Variants in KIAA1549L observed in about 807,000 individuals in gnomAD.
KIAA1549L encodes the protein UPF0606 protein KIAA1549L.
KIAA1549L carries 88 observed loss-of-function variants against 160.7 expected under a neutral mutation model. That is an observed-to-expected ratio of 0.55 (90% CI 0.46 to 0.65). The LOEUF is 0.65. Ranked by LOEUF, KIAA1549L falls within the 30% of genes least tolerant of loss-of-function variation. KIAA1549L has a pLI of 0.00. For synonymous variants in KIAA1549L, 950 were observed against 976.7 expected (o/e 0.97, Z 0.51); for missense variants, 2,258 against 2,437.5 (o/e 0.93, Z 1.55).
intron 11 of KIAA1549L, among the ~76,000 whole-genome samples, chr11:33,590,311 G>A (rs192941895): frequency 6.6e-5 from 10 of 152,302 alleles, no homozygotes; most frequent in Admixed American, 3.3e-4. Flanking sequence ...AATGAATGAC[G>A]GAGTCGGGAT....
chr11:33,513,132 CT>C (rs1009077072), intron 1 of KIAA1549L, among the ~76,000 whole-genome samples: 2 of 152,230 alleles, frequency 1.3e-5, no homozygotes, highest in Admixed American at 1.3e-4. Context: ...AGCTGGGAAG[CT>C]TTCCTTTTGG....
chr11:33,405,659 T>C (rs1474214121), intron 1 of KIAA1549L, among the ~76,000 whole-genome samples: 2 of 151,828 alleles, frequency 1.3e-5, no homozygotes, highest in South Asian at 4.2e-4. Flanking sequence ...CTGGCCAACA[T>C]GGTGAAACCC....
intron 18 of KIAA1549L, among the ~76,000 whole-genome samples, chr11:33,656,902 A>G (rs1852083918): frequency 6.6e-6 from 1 of 152,170 alleles, no homozygotes; most frequent in Non-Finnish European, 1.5e-5. Context: ...GCCTGGGTGG[A>G]AAGCAGCAGA....
chr11:33,518,555 G>T (rs2133120365), intron 1 of KIAA1549L, among the ~76,000 whole-genome samples: 1 of 152,310 alleles, frequency 6.6e-6, no homozygotes, highest in South Asian at 2.1e-4. Flanking sequence ...TTCAAGGAAA[G>T]TTGGCTCTGG....
At chr11:33,631,702 G>A (rs1564932568) in intron 16 of KIAA1549L, among the ~76,000 whole-genome samples, 1 of 152,254 alleles carries the variant, frequency 6.6e-6, no homozygotes, top group East Asian at 1.9e-4. Context: ...TGGCCCCTAT[G>A]CCTATGGGCC....
intron 20 of KIAA1549L, among the ~76,000 whole-genome samples, chr11:33,667,567 TG>T (rs1222413234): frequency 1.3e-5 from 2 of 152,090 alleles, no homozygotes; most frequent in African/African-American, 4.8e-5. Context: ...TAATTTTTTT[TG>T]TATTTTTAGT....
At chr11:33,598,613 G>A (rs1850271870) in intron 12 of KIAA1549L, among the ~76,000 whole-genome samples, 1 of 152,208 alleles carries the variant, frequency 6.6e-6, no homozygotes, top group Admixed American at 6.5e-5. Context: ...GCTGAGCACG[G>A]CAAAACGGAC....
chr11:33,611,959 G>T (rs1214643254), intron 15 of KIAA1549L, among the ~76,000 whole-genome samples: 1 of 152,240 alleles, frequency 6.6e-6, no homozygotes, highest in African/African-American at 2.4e-5. Flanking sequence ...GTGCAGGCCA[G>T]ATTCTTGGGG....
chr11:33,559,918 A>G lies in KIAA1549L; in HGVS notation c.4018+7A>G. ...CCGCTAACCATTGCTGAACGTGAGTATGGCCATGCCTATGGGGACCCCAGT... is the reference window on the plus strand; with the variant it reads ...CCGCTAACCATTGCTGAACGTGAGTGTGGCCATGCCTATGGGGACCCCAGT... On this transcript the variant is annotated splice_region_variant and intron_variant, in intron 7 of 20. Transcript: ENST00000658780. 7 of 1,613,516 alleles carry G rather than the reference A, an allele frequency of 4.3e-6. No homozygotes were observed. The highest frequency in any genetic ancestry group is 5.1e-6 in the Non-Finnish European group (6 of 1,179,476).
chr11:33,568,498 A>G (rs1257256902), intron 9 of KIAA1549L, among the ~76,000 whole-genome samples: 1 of 152,240 alleles, frequency 6.6e-6, no homozygotes, highest in African/African-American at 2.4e-5. Flanking sequence ...GTACTCATGC[A>G]GATATTTTTG....
intron 1 of KIAA1549L, among the ~76,000 whole-genome samples, chr11:33,400,899 G>C (rs1391917180): frequency 6.6e-6 from 1 of 152,176 alleles, no homozygotes; most frequent in Non-Finnish European, 1.5e-5. Context: ...CCGAGGCTTA[G>C]AGAGGTGATA....
At chr11:33,547,137 A>G (rs973664590) in intron 3 of KIAA1549L, among the ~76,000 whole-genome samples, 5 of 152,232 alleles carry the variant, frequency 3.3e-5, no homozygotes, top group Non-Finnish European at 7.3e-5. Context: ...GGGTGAGGGC[A>G]ATCTCTTCCT....
intron 19 of KIAA1549L, among the ~76,000 whole-genome samples, chr11:33,659,173 G>A (rs1852178610): frequency 6.6e-6 from 1 of 152,076 alleles, no homozygotes; most frequent in African/African-American, 2.4e-5. Flanking sequence ...TTTTGGTTTT[G>A]TCTTTAAAGC....
chr11:33,397,735 C>T (rs1202096601), intron 1 of KIAA1549L, among the ~76,000 whole-genome samples: 1 of 150,702 alleles, frequency 6.6e-6, no homozygotes, highest in Non-Finnish European at 1.5e-5. Flanking sequence ...CACACACACA[C>T]ACACACACAC....
chr11:33,508,231 C>T (rs1590297375), intron 1 of KIAA1549L, among the ~76,000 whole-genome samples: 1 of 152,176 alleles, frequency 6.6e-6, no homozygotes, highest in South Asian at 2.1e-4. Flanking sequence ...CCAGCCTCAT[C>T]GTGCTAGAAG....
chr11:33,523,091 C>T (rs1375400473), intron 1 of KIAA1549L, among the ~76,000 whole-genome samples: 1 of 152,124 alleles, frequency 6.6e-6, no homozygotes, highest in African/African-American at 2.4e-5. Context: ...AGTGTGTTTT[C>T]TGATTCTACA....
chr11:33,520,960 C>T (rs781765223), intron 1 of KIAA1549L, among the ~76,000 whole-genome samples: 1 of 151,888 alleles, frequency 6.6e-6, no homozygotes, highest in Non-Finnish European at 1.5e-5. Flanking sequence ...GCCTAGAGTT[C>T]TAGACCAGCC....
intron 19 of KIAA1549L, among the ~76,000 whole-genome samples, chr11:33,659,147 G>C (rs1852177458): frequency 6.6e-6 from 1 of 152,166 alleles, no homozygotes; most frequent in Non-Finnish European, 1.5e-5. Flanking sequence ...CATTTTGCCA[G>C]ACTTCAGTTC....
intron 13 of KIAA1549L, among the ~76,000 whole-genome samples, chr11:33,601,449 T>A (rs1850358116): frequency 6.6e-6 from 1 of 152,210 alleles, no homozygotes; most frequent in Admixed American, 6.5e-5. Flanking sequence ...TGTATTTTAT[T>A]GCATTGGAAG....
Sources: allele counts gnomAD v4.1 joint callset (sites outside exome capture counted in the v4.1 genomes callset), GRCh38; gene constraint gnomAD v4.1.1; transcripts MANE v1.5; gene names NCBI Gene and HGNC (gene_info 2026-07-23, HGNC 2026-07-21).